The following FUT9 variants were observed in gnomAD, a reference collection of about 807,000 sequenced individuals.
FUT9 encodes fucosyltransferase 9, also known as 4-galactosyl-N-acetylglucosaminide 3-alpha-L-fucosyltransferase 9.
In FUT9, 15 loss-of-function variants were observed where a neutral mutation model predicts 29.7. The ratio of observed to expected loss-of-function variants is 0.51; its 90% CI spans 0.34 to 0.78. The LOEUF is 0.78. Among genes scored for constraint, FUT9 ranks in the 30% least tolerant of loss-of-function variants. The probability of loss-of-function intolerance (pLI) is 0.01; values close to 1 mark genes in which losing one functional copy is unlikely to be tolerated. For synonymous variants in FUT9, 169 were observed against 153.7 expected (o/e 1.10, Z -0.74); for missense variants, 319 against 425.4 (o/e 0.75, Z 2.20).
intron 1 of FUT9, among the ~76,000 whole-genome samples, chr6:96,045,572 A>T (rs1256476276): frequency 6.6e-6 from 1 of 152,222 alleles, no homozygotes; most frequent in African/African-American, 2.4e-5. Flanking sequence ...AAGACTGACA[A>T]GTAAGCAGTT....
At chr6:96,199,139 A>C (rs9377511) in intron 2 of FUT9, among the ~76,000 whole-genome samples, 138,883 of 152,172 alleles carry the variant, frequency 0.91, 64,727 homozygotes, top group Non-Finnish European at 1. Flanking sequence ...TTACTGTTAC[A>C]ATTTGCTTTG....
At chr6:96,024,931 G>T (rs888309599) in intron 1 of FUT9, among the ~76,000 whole-genome samples, 1 of 151,724 alleles carries the variant, frequency 6.6e-6, no homozygotes, top group African/African-American at 2.4e-5. Context: ...TAGCAGCAAA[G>T]TCCCACTGCA....
Position 96,107,007 on chromosome 6 carries a change from A to G in FUT9, c.-97-7032A>G, listed in dbSNP as rs558290912. Among the ~76,000 whole-genome samples the G allele has an allele frequency of 1.6e-4, 25 of 152,334 alleles. 1 individual carries two copies. The South Asian group carries it at 4.8e-3, about 29-fold the overall frequency. ...GCAGAGTGAAGCTGATGCAACATAA[A>G]TTGTATAATATATGCGTACCTATAG... On this transcript the variant is annotated intron_variant, in intron 1 of 2. Transcript: ENST00000302103.
chr6:96,098,688 C>T lies in FUT9; in HGVS notation c.-97-15351C>T, dbSNP rs539615338. On this transcript the variant is annotated intron_variant, in intron 1 of 2. Coordinates refer to ENST00000302103, the MANE Select transcript of FUT9 (RefSeq NM_006581.4). The stretch of plus-strand genomic sequence containing the variant: ...CTTTAAGAATAATAGAAGCCAGGGA[C>T]CTCCTGCAGTTTTACAGTGAGCCAT... Among the ~76,000 whole-genome samples the T allele has an allele frequency of 2.0e-5, 3 of 152,182 alleles. No individual in the cohort carries two copies. The East Asian group carries it at 5.8e-4, about 29-fold the overall frequency.
chr6:96,076,770 A>G (rs1582213629), intron 1 of FUT9, among the ~76,000 whole-genome samples: 1 of 152,196 alleles, frequency 6.6e-6, no homozygotes, highest in Admixed American at 6.5e-5. Context: ...GGCAGTTGAC[A>G]TGTTTCTAAG....
rs1256357008 is a variant in FUT9, at chr6:96,116,077, T to C, written c.-9+1950T>C. Among the ~76,000 whole-genome samples the C allele has an allele frequency of 2.6e-5, 4 of 152,136 alleles. No individual in the cohort carries two copies. The East Asian group carries it at 7.7e-4, about 29-fold the overall frequency. ...TGATAAAAGATTTGTATCCATAATA[T>C]ATAAAAAACTCTTAAAACGTAATAA... On this transcript the variant is annotated intron_variant, in intron 2 of 2. Transcript: ENST00000302103.
intron 2 of FUT9, among the ~76,000 whole-genome samples, chr6:96,127,108 T>C (rs1772147419): frequency 6.6e-6 from 1 of 152,058 alleles, no homozygotes; most frequent in Admixed American, 6.6e-5. Context: ...GTCTCAGGGG[T>C]TTGATGGACA....
chr6:96,203,167 A>G lies in FUT9; in HGVS notation c.12A>G (p.Thr4=), dbSNP rs200346772. 1.3e-5 allele frequency: 21 copies of G among 1,595,222 alleles called. No homozygotes were observed. The highest frequency in any genetic ancestry group is 1.7e-5 in the Admixed American group (1 of 58,916). ...TCGTAGGAAAAATTATGACATCAAC[A>G]TCCAAAGGAATTCTTCGCCCATTTT... The part of the protein sequence containing the change: MTS[T]SKGILRPFLI... Residue 4 remains threonine (T), a synonymous_variant, in exon 3 of 3, where the codon ACA becomes ACG. Coordinates refer to ENST00000302103, the MANE Select transcript of FUT9 (RefSeq NM_006581.4).
chr6:96,154,264 C>T (rs1411141916), intron 2 of FUT9, among the ~76,000 whole-genome samples: 3 of 152,136 alleles, frequency 2.0e-5, no homozygotes, highest in Non-Finnish European at 4.4e-5. Context: ...ATCATTTTCA[C>T]AAATGGTGAT....
rs554160510 is a variant in FUT9 at position 96,094,410 on chromosome 6, A to G, written c.-97-19629A>G. Among the ~76,000 whole-genome samples, 3 of 152,298 alleles carry G rather than the reference A, an allele frequency of 2.0e-5. No individual in the cohort carries two copies. In the South Asian group the frequency reaches 6.2e-4, roughly 32 times the overall value. On this transcript the variant is annotated intron_variant, in intron 1 of 2. Coordinates refer to ENST00000302103, the MANE Select transcript of FUT9 (RefSeq NM_006581.4). Reference sequence around the variant, plus strand: ...TGCTGGCTATTTGGATATGGCAAAGAGAACACATAAAGCACTTTCTTTAAT... The same window carrying G: ...TGCTGGCTATTTGGATATGGCAAAGGGAACACATAAAGCACTTTCTTTAAT...
intron 1 of FUT9, among the ~76,000 whole-genome samples, chr6:96,030,803 A>G (rs914323179): frequency 2.6e-5 from 4 of 151,524 alleles, no homozygotes; most frequent in Non-Finnish European, 5.9e-5. Context: ...AATAAAAAGG[A>G]TTGAACTACT....
chr6:96,134,675 T>C (rs1772314874), intron 2 of FUT9, among the ~76,000 whole-genome samples: 9 of 151,862 alleles, frequency 5.9e-5, no homozygotes, highest in African/African-American at 2.2e-4. Context: ...AGATACATCA[T>C]TAACTACATT....
At chr6:96,086,314 C>T (rs929421614) in intron 1 of FUT9, among the ~76,000 whole-genome samples, 6 of 152,152 alleles carry the variant, frequency 3.9e-5, no homozygotes, top group Non-Finnish European at 8.8e-5. Context: ...GTCTACCTTT[C>T]TTTTAATTTC....
intron 2 of FUT9, among the ~76,000 whole-genome samples, chr6:96,135,736 C>T (rs1382958682): frequency 6.6e-6 from 1 of 151,788 alleles, no homozygotes; most frequent in African/African-American, 2.4e-5. Flanking sequence ...TGGTGTACAA[C>T]ATTGTGCTAA....
rs1356001850 is a variant in FUT9, at chr6:96,207,983, A to G, written c.*3748A>G. 6.0e-6 allele frequency: 1 copy of G among 166,870 alleles called. No homozygotes were observed. Among genetic ancestry groups the G allele is most frequent in the East Asian group, 1.9e-4 (1 of 5,204 alleles). The allele number at this position is 166,870 out of a possible 1,614,324, so 10.3% of individuals were successfully genotyped here. A position where few individuals can be genotyped will look rare whatever the true frequency, so the allele number is the denominator to read the frequency against. ...AATATGAAGTAGAAACTGAAAAAAA[A>G]AATCATCTTAGTGGGAAACAAATAC... On this transcript the variant is annotated 3_prime_UTR_variant, in exon 3 of 3. Transcript: ENST00000302103.
In FUT9 at chr6:96,143,114, C is replaced by G. The variant is rs1010819256; in HGVS notation, c.-9+28987C>G. 9.2e-5 allele frequency among the ~76,000 whole-genome samples: 14 copies of G among 152,222 alleles called. 1 individual carries two copies. The highest frequency in any genetic ancestry group is 5.2e-4 in the Admixed American group (8 of 15,288). ...AATTCCTACGTTGAAAACCTCATCA[C>G]CAATACTATACAATTAGGTAGAAGA... On this transcript the variant is annotated intron_variant, in intron 2 of 2. Coordinates refer to ENST00000302103, the MANE Select transcript of FUT9 (RefSeq NM_006581.4).
In FUT9 at chr6:96,204,268, T is replaced by C. The variant is rs1484982340; in HGVS notation, c.*33T>C. Reference sequence around the variant, plus strand: ...CATCACTTGCACACTTGATAAATATTTTGATGAGATATCATCCAAGTATTG... The same window carrying C: ...CATCACTTGCACACTTGATAAATATCTTGATGAGATATCATCCAAGTATTG... On this transcript the variant is annotated 3_prime_UTR_variant, in exon 3 of 3. Transcript: ENST00000302103. The C allele has an allele frequency of 1.5e-6, 2 of 1,362,214 alleles. No individual in the cohort carries two copies. Among genetic ancestry groups the C allele is most frequent in the Non-Finnish European group, 1.9e-6 (2 of 1,030,634 alleles). The allele number at this position is 1,362,214 out of a possible 1,614,324, so 84.4% of individuals were successfully genotyped here. A position where few individuals can be genotyped will look rare whatever the true frequency, so the allele number is the denominator to read the frequency against.
chr6:96,167,169 T>C (rs1773029728), intron 2 of FUT9, among the ~76,000 whole-genome samples: 1 of 152,232 alleles, frequency 6.6e-6, no homozygotes, highest in African/African-American at 2.4e-5. Flanking sequence ...TAATTAAGAA[T>C]AATTTAAAGT....
intron 1 of FUT9, among the ~76,000 whole-genome samples, chr6:96,091,240 C>T (rs1243870807): frequency 6.6e-6 from 1 of 152,022 alleles, no homozygotes; most frequent in Non-Finnish European, 1.5e-5. Context: ...GTATTCTTCC[C>T]ATAAATGTTT....
Sources: gnomAD v4.1 joint callset for allele counts (sites outside exome capture counted in the v4.1 genomes callset) on GRCh38, gnomAD v4.1.1 for gene constraint, MANE v1.5 for transcripts, NCBI Gene and HGNC (gene_info 2026-07-23, HGNC 2026-07-21) for gene names.